Variants in HRH1 observed in about 807,000 individuals in gnomAD.
HRH1 encodes histamine receptor H1.
A neutral mutation model predicts 10.3 loss-of-function variants in HRH1; 6 were observed. That is an observed-to-expected ratio of 0.58 (90% CI 0.32 to 1.15). The LOEUF is 1.15. Ranked by LOEUF, HRH1 falls within the 50% of genes most tolerant of loss-of-function variation. The probability of loss-of-function intolerance (pLI) is 0.05; values close to 1 mark genes in which losing one functional copy is unlikely to be tolerated. For missense variants in HRH1, 514 were observed against 615.3 expected (o/e 0.84, Z 1.74); for synonymous variants, 242 against 236.7 (o/e 1.02, Z -0.21).
Position 11,259,174 on chromosome 3 carries a change from T to C in HRH1, c.137T>C (p.Leu46Pro). The C allele has an allele frequency of 3.1e-6, 5 of 1,614,004 alleles. No homozygotes were observed. Among genetic ancestry groups the C allele is most frequent in the East Asian group, 2.2e-5 (1 of 44,848 alleles). The change falls in exon 2 of 2, where the codon CTG becomes CCG. Residue 46 changes from leucine (L) to proline (P), a missense_variant. Leu to Pro is a moderately conservative substitution (Grantham distance 98, BLOSUM62 -3). Coordinates refer to ENST00000431010, the MANE Select transcript of HRH1 (RefSeq NM_001098212.2). This position sits in a 1 kb window ranked among gnomAD's most constrained non-coding sequence, Gnocchi z 4.6. The stretch of plus-strand genomic sequence containing the variant: ...TGCTTGGTCACAGTAGGGCTCAACC[T>C]GCTGGTGCTGTATGCCGTACGGAGT... ...TICLVTVGLN[L>P]LVLYAVRSER...
chr3:11,213,787 G>A (rs970711532), intron 1 of HRH1, among the ~76,000 whole-genome samples: 3 of 152,250 alleles, frequency 2.0e-5, no homozygotes, highest in African/African-American at 4.8e-5. Context: ...TGGCATGTAA[G>A]TCCTTTGCAT....
At chr3:11,223,415 T>C (rs1237762133) in intron 1 of HRH1, among the ~76,000 whole-genome samples, 1 of 150,740 alleles carries the variant, frequency 6.6e-6, no homozygotes, top group Non-Finnish European at 1.5e-5. Context: ...AGGAGCATGG[T>C]GTGAACCCAG....
chr3:11,140,491 G>T (rs930680850), intron 1 of HRH1, among the ~76,000 whole-genome samples: 1 of 151,866 alleles, frequency 6.6e-6, no homozygotes, highest in Admixed American at 6.6e-5. Flanking sequence ...TCACCTCTTT[G>T]CCCTCGTACA....
chr3:11,240,098 C>G (rs1939294515), intron 1 of HRH1, among the ~76,000 whole-genome samples: 1 of 151,984 alleles, frequency 6.6e-6, no homozygotes, highest in South Asian at 2.1e-4. Flanking sequence ...ATAACTGTGG[C>G]TGCCAGAGCC....
rs116355989 is a variant in HRH1, at chr3:11,154,900, C to G, written c.-36+346C>G. On this transcript the variant is annotated intron_variant, in intron 1 of 1. Transcript: ENST00000431010. The surrounding 1 kb of genome is among the most constrained non-coding windows in gnomAD (Gnocchi z 4.4). ...GGGAGCCTCGTTTTCTTTGAGCCTC[C>G]CCAGGGTCTGAGTTCGCTGCTAACC... 4.7e-4 allele frequency among the ~76,000 whole-genome samples: 72 copies of G among 152,286 alleles called. No homozygotes were observed. Among genetic ancestry groups the G allele is most frequent in the African/African-American group, 1.7e-3 (72 of 41,562 alleles).
intron 1 of HRH1, among the ~76,000 whole-genome samples, chr3:11,252,293 A>G (rs148124221): frequency 3.9e-5 from 6 of 152,304 alleles, no homozygotes; most frequent in Non-Finnish European, 8.8e-5. Context: ...GGTTCTACAA[A>G]TTGGAGTTTG....
At chr3:11,181,929 C>A (rs1937363053) in intron 1 of HRH1, among the ~76,000 whole-genome samples, 1 of 151,894 alleles carries the variant, frequency 6.6e-6, no homozygotes, top group South Asian at 2.1e-4. Flanking sequence ...CCACGCCTGG[C>A]CCCCTTGCTC....
chr3:11,225,339 G>A (rs372436946), intron 1 of HRH1, among the ~76,000 whole-genome samples: 4 of 152,202 alleles, frequency 2.6e-5, no homozygotes, highest in African/African-American at 9.7e-5. Flanking sequence ...CTGGCCGGCT[G>A]GAGTCGGAGA....
intron 1 of HRH1, among the ~76,000 whole-genome samples, chr3:11,137,905 C>T (rs572609390): frequency 6.6e-6 from 1 of 152,134 alleles, no homozygotes; most frequent in South Asian, 2.1e-4. Flanking sequence ...TCCCTACCAG[C>T]CCAAAAGGAG....
At chr3:11,246,575 C>G (rs370572322) in intron 1 of HRH1, among the ~76,000 whole-genome samples, 1 of 152,220 alleles carries the variant, frequency 6.6e-6, no homozygotes, top group East Asian at 1.9e-4. Context: ...ATCTCACTGA[C>G]GAGAACTATC....
chr3:11,186,160 C>G (rs986278017), intron 1 of HRH1, among the ~76,000 whole-genome samples: 1 of 152,084 alleles, frequency 6.6e-6, no homozygotes, highest in Non-Finnish European at 1.5e-5. Flanking sequence ...GTTTGGCATC[C>G]GGACAACTCC....
At chr3:11,165,589 C>T (rs1395811682) in intron 1 of HRH1, among the ~76,000 whole-genome samples, 1 of 152,166 alleles carries the variant, frequency 6.6e-6, no homozygotes, top group African/African-American at 2.4e-5. Context: ...TTTGAACATT[C>T]AAGGTTTGGA....
intron 1 of HRH1, among the ~76,000 whole-genome samples, chr3:11,235,012 G>A (rs112133173): frequency 2.0e-5 from 3 of 151,968 alleles, no homozygotes; most frequent in African/African-American, 7.2e-5. Flanking sequence ...TCAGGAGATC[G>A]AGACCATCCT....
Position 11,259,805 on chromosome 3 carries a change from C to T in HRH1, c.768C>T (p.Pro256=), listed in dbSNP as rs780246551. The T allele has an allele frequency of 3.7e-6, 6 of 1,613,890 alleles. No individual in the cohort carries two copies. The highest frequency in any genetic ancestry group is 5.1e-6 in the Non-Finnish European group (6 of 1,179,950). The change falls in exon 2 of 2, where the codon CCC becomes CCT. Residue 256 remains proline (P), a synonymous_variant. Transcript: ENST00000431010. The surrounding 1 kb of genome is among the most constrained non-coding windows in gnomAD (Gnocchi z 4.6). ...CCAAGAAACCAGGGAAGGAGTCTCC[C>T]TGGGAGGTTCTGAAAAGGAAGCCAA... The part of the protein sequence containing the change: ...GDAKKPGKES[P]WEVLKRKPKD...
intron 1 of HRH1, among the ~76,000 whole-genome samples, chr3:11,168,107 G>A (rs1937083408): frequency 6.6e-6 from 1 of 152,158 alleles, no homozygotes; most frequent in Non-Finnish European, 1.5e-5. Context: ...AGTCAAGAGA[G>A]GATTGAAGCA....
intron 1 of HRH1, among the ~76,000 whole-genome samples, chr3:11,223,621 G>A (rs1938787042): frequency 6.6e-6 from 1 of 152,182 alleles, no homozygotes; most frequent in Admixed American, 6.5e-5. Flanking sequence ...GGGCAAAGAG[G>A]GGGAGTCAAG....
intron 1 of HRH1, among the ~76,000 whole-genome samples, chr3:11,243,438 G>A (rs1017048003): frequency 3.3e-5 from 5 of 152,232 alleles, no homozygotes; most frequent in Non-Finnish European, 7.3e-5. Context: ...ATCAGCTAAA[G>A]AATGATAATC....
chr3:11,154,036 A>G (rs534294550), upstream of HRH1, among the ~76,000 whole-genome samples: 132 of 152,068 alleles, frequency 8.7e-4, no homozygotes, highest in African/African-American at 3.0e-3. This position sits in a 1 kb window ranked among gnomAD's most constrained non-coding sequence, Gnocchi z 4.4. Flanking sequence ...GTCTTTTTCA[A>G]TCTATCTGTG....
chr3:11,190,582 G>A (rs978676777), intron 1 of HRH1, among the ~76,000 whole-genome samples: 2 of 151,810 alleles, frequency 1.3e-5, no homozygotes, highest in Admixed American at 6.6e-5. Context: ...TAGTAGAGAC[G>A]GGGTTTCACC....
Sources: allele counts gnomAD v4.1 joint callset (sites outside exome capture counted in the v4.1 genomes callset), GRCh38; gene constraint gnomAD v4.1.1; non-coding constraint Gnocchi (gnomAD v3.1); transcripts MANE v1.5; gene names NCBI Gene and HGNC (gene_info 2026-07-23, HGNC 2026-07-21).